The following CCDC6 variants were observed in gnomAD, a reference collection of about 807,000 sequenced individuals.
CCDC6 encodes the protein coiled-coil domain containing 6.
In CCDC6, 20 loss-of-function variants were observed where a neutral mutation model predicts 56.6. The observed-to-expected ratio is 0.35, with a 90% CI of 0.25 to 0.51. The LOEUF is 0.51. Among genes scored for constraint, CCDC6 ranks in the 20% least tolerant of loss-of-function variants. The pLI is 0.95. For synonymous variants in CCDC6, 241 were observed against 234.4 expected (o/e 1.03, Z -0.26); for missense variants, 367 against 601.1 (o/e 0.61, Z 4.07).
At chr10:59,794,658 T>A in intron 7 of CCDC6, 61 bp from the exon 8 acceptor site, 3 of 1,502,106 alleles carry the variant, frequency 2.0e-6, no homozygotes, top group Non-Finnish European at 1.8e-6. Flanking sequence ...TCTTCAACTA[T>A]CTAGGAGGTT....
chr10:59,904,257 A>G (rs758050401), intron 1 of CCDC6, among the ~76,000 whole-genome samples: 3 of 152,238 alleles, frequency 2.0e-5, no homozygotes, highest in Non-Finnish European at 4.4e-5. Context: ...AGTACTCAGA[A>G]GGCCTCTGAT....
chr10:59,814,609 C>G, intron 4 of CCDC6, 43 bp downstream of exon 4: 1 of 1,193,698 alleles, frequency 8.4e-7, no homozygotes, highest in South Asian at 1.2e-5. Flanking sequence ...AACACACACA[C>G]ACACACACAC....
Position 59,804,498 on chromosome 10 carries a change from G to C in CCDC6, c.1027C>G (p.Gln343Glu), listed in dbSNP as rs1331136232. The C allele has an allele frequency of 6.2e-7, 1 of 1,610,120 alleles. No individual in the cohort carries two copies. The highest frequency in any genetic ancestry group is 2.2e-5 in the East Asian group (1 of 44,860). Residue 343 changes from glutamine (Q) to glutamate (E), a missense_variant, in exon 7 of 9, where the codon CAA becomes GAA. Gln to Glu is a conservative substitution (Grantham distance 29, BLOSUM62 2). Coordinates refer to ENST00000263102, the MANE Select transcript of CCDC6 (RefSeq NM_005436.5). The stretch of plus-strand genomic sequence containing the variant: ...GACACAGTGCGAGGTCTTAATCCTT[G>C]TGCAGACATCTCATTAAAATACCTA... The part of the protein sequence containing the change: ...DERYFNEMSA[Q>E]GLRPRTVSSP...
At chr10:59,874,604 AG>A (rs1218798350) in intron 1 of CCDC6, among the ~76,000 whole-genome samples, 3 of 152,220 alleles carry the variant, frequency 2.0e-5, no homozygotes, top group Non-Finnish European at 2.9e-5. Context: ...TTACATGCAA[AG>A]GGGAATTAAG....
intron 1 of CCDC6, among the ~76,000 whole-genome samples, chr10:59,901,097 G>C (rs1175552837): frequency 1.3e-5 from 2 of 152,056 alleles, no homozygotes; most frequent in Non-Finnish European, 2.9e-5. Context: ...AGTACAAATA[G>C]AGTATATGAA....
intron 1 of CCDC6, among the ~76,000 whole-genome samples, chr10:59,870,686 T>C (rs576828168): frequency 2.0e-5 from 3 of 152,316 alleles, no homozygotes; most frequent in Admixed American, 1.3e-4. Flanking sequence ...GGAAGTGGTA[T>C]GCAACTTTGG....
At chr10:59,865,852 CAA>C (rs777021321) in intron 1 of CCDC6, among the ~76,000 whole-genome samples, 5 of 57,032 alleles carry the variant, frequency 8.8e-5, no homozygotes, top group African/African-American at 7.3e-5. Context: ...TCCATCTCCA[CAA>C]AAAAAAAAAA....
intron 1 of CCDC6, among the ~76,000 whole-genome samples, chr10:59,873,425 GA>G (rs1433422879): frequency 1.3e-5 from 2 of 152,148 alleles, no homozygotes; most frequent in Admixed American, 1.3e-4. Flanking sequence ...AACGCCTGGA[GA>G]TACTAGAAAC....
rs563174250 is a variant in CCDC6, at chr10:59,871,180, ATAAG to A, written c.304-18482_304-18479del. Among the ~76,000 whole-genome samples, 378 of 152,296 alleles carry A rather than the reference ATAAG, an allele frequency of 2.5e-3. 2 individuals carry two copies. The highest frequency in any genetic ancestry group is 8.9e-3 in the African/African-American group (369 of 41,570). ...GAGAGTTTATATTATATAAACATGT[ATAAG>A]TATTATGTATATAATTGTAAATATT... On this transcript the variant is annotated intron_variant, in intron 1 of 8. Transcript: ENST00000263102.
At chr10:59,893,839 T>C (rs1250344548) in intron 1 of CCDC6, among the ~76,000 whole-genome samples, 5 of 152,134 alleles carry the variant, frequency 3.3e-5, no homozygotes, top group African/African-American at 1.2e-4. Flanking sequence ...ACCCTTCAAA[T>C]GGTAGGGTCT....
intron 1 of CCDC6, among the ~76,000 whole-genome samples, chr10:59,900,036 A>T (rs2071493462): frequency 6.6e-6 from 1 of 152,236 alleles, no homozygotes; most frequent in South Asian, 2.1e-4. Context: ...TCACAGAAAG[A>T]AACAAGTACA....
chr10:59,898,394 T>C lies in CCDC6; in HGVS notation c.303+7728A>G, dbSNP rs778484147. The stretch of plus-strand genomic sequence containing the variant: ...ATAATAAACTACAAGCTAATTAAAC[T>C]GTGAATGAATGTGATAACTTGTTAC... On this transcript the variant is annotated intron_variant, in intron 1 of 8. Transcript: ENST00000263102. Among the ~76,000 whole-genome samples the C allele has an allele frequency of 2.5e-4, 38 of 152,256 alleles. 1 individual carries two copies. Among genetic ancestry groups the C allele is most frequent in the Non-Finnish European group, 5.0e-4 (34 of 68,046 alleles).
chr10:59,881,908 G>A (rs1470038140), intron 1 of CCDC6, among the ~76,000 whole-genome samples: 13 of 152,150 alleles, frequency 8.5e-5, no homozygotes. Context: ...GAATACTTAG[G>A]AATGAAGTGC....
rs564122981 is a variant in CCDC6 at position 59,809,300 on chromosome 10, C to A, written c.848-2222G>T. On this transcript the variant is annotated intron_variant, in intron 5 of 8. Transcript: ENST00000263102. ...ATTAACATTAGTGAGGCTCCAAGAA[C>A]AATAACTTCAGAGAACATTGTCTTT... 2.6e-5 allele frequency among the ~76,000 whole-genome samples: 4 copies of A among 152,288 alleles called. No individual in the cohort carries two copies. The South Asian group carries it at 8.3e-4, about 32-fold the overall frequency.
intron 7 of CCDC6, among the ~76,000 whole-genome samples, chr10:59,797,387 A>AT (rs890191628): frequency 1.3e-5 from 2 of 151,934 alleles, no homozygotes; most frequent in Middle Eastern, 3.2e-3. Flanking sequence ...CACAATAATG[A>AT]TTTTTTTAAG....
intron 2 of CCDC6, among the ~76,000 whole-genome samples, chr10:59,833,213 C>A (rs541171260): frequency 1.4e-4 from 21 of 152,254 alleles, no homozygotes; most frequent in African/African-American, 4.1e-4. Flanking sequence ...CTTTGGGAGG[C>A]CAAGGCGGGT....
At chr10:59,814,280 G>A (rs998376970) in intron 4 of CCDC6, among the ~76,000 whole-genome samples, 4 of 152,148 alleles carry the variant, frequency 2.6e-5, no homozygotes, top group African/African-American at 9.7e-5. Flanking sequence ...ATAAATAATA[G>A]TACGCAGTAT....
intron 7 of CCDC6, among the ~76,000 whole-genome samples, chr10:59,800,065 T>C (rs2070559579): frequency 6.6e-6 from 1 of 152,226 alleles, no homozygotes; most frequent in Non-Finnish European, 1.5e-5. Flanking sequence ...TTTATAAAAA[T>C]TATAACTTTT....
At chr10:59,840,409 A>G (rs1162306345) in intron 2 of CCDC6, among the ~76,000 whole-genome samples, 1 of 152,150 alleles carries the variant, frequency 6.6e-6, no homozygotes, top group Non-Finnish European at 1.5e-5. Flanking sequence ...TTGTCATTAC[A>G]TATGGTGCAT....
Sources: gnomAD v4.1 joint callset for allele counts (sites outside exome capture counted in the v4.1 genomes callset) on GRCh38, gnomAD v4.1.1 for gene constraint, MANE v1.5 for transcripts, NCBI Gene and HGNC (gene_info 2026-07-23, HGNC 2026-07-21) for gene names.